TGFBR1: variants seen among roughly 807,000 people sequenced by gnomAD.
TGFBR1 encodes transforming growth factor beta receptor 1.
Under a neutral mutation model 55.1 loss-of-function variants are expected in TGFBR1, and 20 were observed. The observed-to-expected ratio is 0.36, with a 90% CI of 0.26 to 0.53. The LOEUF (loss-of-function observed/expected upper bound fraction) is 0.53. Among genes scored for constraint, TGFBR1 ranks in the 20% least tolerant of loss-of-function variants. The pLI, the probability that TGFBR1 is intolerant of heterozygous loss-of-function variation, is 0.91. For synonymous variants in TGFBR1, 220 were observed against 214.8 expected, an observed-to-expected ratio of 1.02 and a Z score of -0.21; for missense variants, 385 against 617.6, an observed-to-expected ratio of 0.62 and a Z score of 3.99.
chr9:99,105,612 T>C (rs1291402090), intron 1 of TGFBR1, among the ~76,000 whole-genome samples: 3 of 151,566 alleles, frequency 2.0e-5, no homozygotes, highest in Admixed American at 6.6e-5. Flanking sequence ...GGGGCTGCCC[T>C]CTGGGGTGTG....
intron 8 of TGFBR1, 54 bp from the exon 9 acceptor site, chr9:99,149,126 A>G: frequency 6.5e-7 from 1 of 1,542,794 alleles, no homozygotes; most frequent in Non-Finnish European, 8.8e-7. Flanking sequence ...ATTCTTATCC[A>G]GACCAATGGA....
chr9:99,145,894 A>T (rs1038681287), intron 6 of TGFBR1: 11 of 158,804 alleles, frequency 6.9e-5, no homozygotes, highest in Admixed American at 3.0e-4. Context: ...TCCAAGTACT[A>T]AGCAGGCCCG....
chr9:99,121,307 G>C (rs765244584), intron 1 of TGFBR1, among the ~76,000 whole-genome samples: 2 of 152,304 alleles, frequency 1.3e-5, no homozygotes, highest in South Asian at 4.1e-4. Flanking sequence ...GAAGAACTGA[G>C]TATTTTGAGG....
At chr9:99,115,475 C>T (rs140480673) in intron 1 of TGFBR1, among the ~76,000 whole-genome samples, 140 of 152,222 alleles carry the variant, frequency 9.2e-4, no homozygotes, top group African/African-American at 3.1e-3. Context: ...GCTTTTTCTG[C>T]GAGAAACTAG....
intron 8 of TGFBR1, among the ~76,000 whole-genome samples, chr9:99,148,763 T>C (rs1282559733): frequency 1.3e-5 from 2 of 151,170 alleles, no homozygotes; most frequent in Non-Finnish European, 2.9e-5. Flanking sequence ...GCCTGGGAGG[T>C]CAAGGCTGCA....
chr9:99,133,294 G>A (rs1205797010), intron 3 of TGFBR1, among the ~76,000 whole-genome samples: 1 of 152,158 alleles, frequency 6.6e-6, no homozygotes, highest in Non-Finnish European at 1.5e-5. Flanking sequence ...TGAGAAAAAT[G>A]TCTAACCACC....
chr9:99,119,999 A>G (rs1357878448), intron 1 of TGFBR1, among the ~76,000 whole-genome samples: 3 of 152,232 alleles, frequency 2.0e-5, no homozygotes, highest in African/African-American at 7.2e-5. Flanking sequence ...CTTGTTGAAA[A>G]AGTGCATAAA....
chr9:99,125,578 C>T (rs976434758), intron 1 of TGFBR1, among the ~76,000 whole-genome samples: 3 of 151,986 alleles, frequency 2.0e-5, no homozygotes, highest in African/African-American at 7.2e-5. Flanking sequence ...GCCATATGGT[C>T]GATTCAAATT....
intron 3 of TGFBR1, 93 bp from the exon 4 acceptor site, chr9:99,137,766 T>C: frequency 1.1e-6 from 1 of 948,850 alleles, no homozygotes; most frequent in Non-Finnish European, 1.7e-6. Context: ...GCTTAAAGTA[T>C]CAGTTTTCTG....
At chr9:99,125,442 G>T (rs768093007) in intron 1 of TGFBR1, among the ~76,000 whole-genome samples, 1 of 152,190 alleles carries the variant, frequency 6.6e-6, no homozygotes, top group Non-Finnish European at 1.5e-5. Context: ...TATATTTACT[G>T]CTAACAAATG....
chr9:99,129,244 A>G, intron 2 of TGFBR1, 144 bp downstream of exon 2: 1 of 987,516 alleles, frequency 1.0e-6, no homozygotes, highest in East Asian at 2.6e-5. Context: ...ATTGTTACAG[A>G]CTTATAAGAG....
At chr9:99,120,554 C>A (rs912514169) in intron 1 of TGFBR1, among the ~76,000 whole-genome samples, 3 of 152,190 alleles carry the variant, frequency 2.0e-5, no homozygotes, top group African/African-American at 7.2e-5. Context: ...GTAGTAGGAC[C>A]ATTCCCTTGT....
At chr9:99,114,819 C>T (rs1055929721) in intron 1 of TGFBR1, among the ~76,000 whole-genome samples, 5 of 152,190 alleles carry the variant, frequency 3.3e-5, no homozygotes, top group Non-Finnish European at 7.3e-5. Flanking sequence ...AAAGGCAGAG[C>T]CAGACATTTA....
chr9:99,133,390 A>C (rs1430647760), intron 3 of TGFBR1, among the ~76,000 whole-genome samples: 2 of 152,174 alleles, frequency 1.3e-5, no homozygotes, highest in East Asian at 3.9e-4. Context: ...GAAGTAGATG[A>C]GCTAATTGTC....
chr9:99,128,807 A>T (rs201615580), intron 1 of TGFBR1, 48 bp from the exon 2 acceptor site: 4 of 1,608,968 alleles, frequency 2.5e-6, no homozygotes, highest in African/African-American at 1.3e-5. Context: ...GGATAATTTC[A>T]AACTGTTAAC....
At chr9:99,111,021 A>T (rs1826552000) in intron 1 of TGFBR1, among the ~76,000 whole-genome samples, 1 of 152,170 alleles carries the variant, frequency 6.6e-6, no homozygotes, top group African/African-American at 2.4e-5. Flanking sequence ...TTTGCTTCAG[A>T]TTGCCTTGAT....
intron 1 of TGFBR1, among the ~76,000 whole-genome samples, chr9:99,116,114 G>C (rs932893720): frequency 6.6e-6 from 1 of 150,436 alleles, no homozygotes; most frequent in African/African-American, 2.5e-5. Context: ...GTATAAACTT[G>C]AGCCTTTCTG....
At chr9:99,135,786 G>C (rs1430547471) in intron 3 of TGFBR1, among the ~76,000 whole-genome samples, 2 of 151,732 alleles carry the variant, frequency 1.3e-5, no homozygotes, top group Admixed American at 6.6e-5. Flanking sequence ...GTACAGAAGA[G>C]TAGAGCAGAG....
intron 1 of TGFBR1, among the ~76,000 whole-genome samples, chr9:99,106,928 G>A (rs1299531705): frequency 6.6e-6 from 1 of 152,222 alleles, no homozygotes; most frequent in Non-Finnish European, 1.5e-5. Flanking sequence ...AGGAAGGCAG[G>A]ATAACTGTGT....
Sources: allele counts gnomAD v4.1 joint callset (sites outside exome capture counted in the v4.1 genomes callset), GRCh38; gene constraint gnomAD v4.1.1; transcripts MANE v1.5; gene names NCBI Gene and HGNC (gene_info 2026-07-23, HGNC 2026-07-21).